ATP10A: variants seen among roughly 807,000 people sequenced by gnomAD.
ATP10A encodes the protein phospholipid-transporting ATPase VA.
Under a neutral mutation model 147.8 loss-of-function variants are expected in ATP10A, and 111 were observed. The observed-to-expected ratio is 0.75, with a 90% CI of 0.64 to 0.88. ATP10A has a LOEUF of 0.88. ATP10A is among the 40% of genes least tolerant of loss of function. The probability of loss-of-function intolerance (pLI) is 0.00; values close to 1 mark genes in which losing one functional copy is unlikely to be tolerated. For missense variants in ATP10A, 1,927 were observed against 1,959.0 expected (o/e 0.98, Z 0.31); for synonymous variants, 875 against 841.6 (o/e 1.04, Z -0.69).
chr15:25,711,907 C>T (rs1003552196), intron 10 of ATP10A, among the ~76,000 whole-genome samples: 23 of 152,152 alleles, frequency 1.5e-4, no homozygotes, highest in African/African-American at 5.3e-4. Context: ...TGTCTTGTAA[C>T]CGGCATCAGG....
chr15:25,699,138 A>G (rs781503532), intron 13 of ATP10A, among the ~76,000 whole-genome samples: 19 of 152,230 alleles, frequency 1.2e-4, no homozygotes, highest in Non-Finnish European at 2.6e-4. Flanking sequence ...AGCCAAAACA[A>G]TTTTGAAATA....
chr15:25,680,585 G>A (rs1020353962), intron 19 of ATP10A, among the ~76,000 whole-genome samples: 2 of 152,132 alleles, frequency 1.3e-5, no homozygotes, highest in Non-Finnish European at 2.9e-5. Context: ...GGAAAGAGGC[G>A]GGAGGGAGAT....
At chr15:25,795,120 T>C (rs12910743) in intron 1 of ATP10A, among the ~76,000 whole-genome samples, 62,716 of 152,020 alleles carry the variant, frequency 0.41, 13,052 homozygotes, top group South Asian at 0.55. Flanking sequence ...TTTGGGAAAA[T>C]TGTGTAGGTT....
At chr15:25,753,821 G>C (rs1406407488) in intron 2 of ATP10A, among the ~76,000 whole-genome samples, 1 of 150,828 alleles carries the variant, frequency 6.6e-6, no homozygotes, top group Non-Finnish European at 1.5e-5. Context: ...CTGTCACCCA[G>C]GCTGGAGTGC....
At chr15:25,836,781 C>T (rs1294841040) in intron 1 of ATP10A, among the ~76,000 whole-genome samples, 3 of 152,244 alleles carry the variant, frequency 2.0e-5, no homozygotes, top group Middle Eastern at 3.4e-3. Context: ...TCGTTACTGT[C>T]GGTTCACAGT....
At chr15:25,681,971 G>A (rs375740255) in intron 17 of ATP10A, among the ~76,000 whole-genome samples, 5 of 151,292 alleles carry the variant, frequency 3.3e-5, no homozygotes, top group African/African-American at 1.2e-4. Flanking sequence ...GGAGAATGGC[G>A]TGAACCCGGG....
intron 1 of ATP10A, among the ~76,000 whole-genome samples, chr15:25,842,236 T>G (rs1309393303): frequency 6.6e-6 from 1 of 152,184 alleles, no homozygotes; most frequent in Non-Finnish European, 1.5e-5. Flanking sequence ...CAGAGCCTTT[T>G]GGTTTTGCTT....
chr15:25,729,518 C>T (rs1261927504), intron 3 of ATP10A, among the ~76,000 whole-genome samples: 1 of 152,208 alleles, frequency 6.6e-6, no homozygotes, highest in African/African-American at 2.4e-5. Context: ...GTGGGTTCCT[C>T]ACACAGGCAC....
rs763408750 is a variant in ATP10A at position 25,723,873 on chromosome 15, G to A, written c.1110+18C>T. The A allele has an allele frequency of 3.3e-5, 51 of 1,557,328 alleles. No individual in the cohort carries two copies. The highest frequency in any genetic ancestry group is 3.4e-4 in the Middle Eastern group (2 of 5,870). ...CATAAAAGTAAAGCAATTATTGTACGATACTTAGTATTGTTACCTGCAGAA... is the reference window on the plus strand; with the variant it reads ...CATAAAAGTAAAGCAATTATTGTACAATACTTAGTATTGTTACCTGCAGAA... On this transcript the variant is annotated intron_variant, in intron 6 of 20. Transcript: ENST00000555815.
chr15:25,778,903 G>A (rs1889757016), intron 2 of ATP10A, among the ~76,000 whole-genome samples: 1 of 152,108 alleles, frequency 6.6e-6, no homozygotes, highest in African/African-American at 2.4e-5. Flanking sequence ...TTGAGATGGA[G>A]TCTCGCTCTG....
chr15:25,827,584 T>C lies in ATP10A; in HGVS notation c.449+35064A>G, dbSNP rs1023614622. 3.9e-5 allele frequency among the ~76,000 whole-genome samples: 6 copies of C among 152,188 alleles called. No homozygotes were observed. The East Asian group carries it at 7.7e-4, about 20-fold the overall frequency. On this transcript the variant is annotated intron_variant, in intron 1 of 20. Coordinates refer to ENST00000555815, the MANE Select transcript of ATP10A (RefSeq NM_024490.4). ...TAAGGTGGTATTAATCTGACCTACA[T>C]TGCTGGAAATTTAGATGCTAATTAA...
At chr15:25,684,969 G>T (rs1289646646) in intron 16 of ATP10A, among the ~76,000 whole-genome samples, 3 of 152,116 alleles carry the variant, frequency 2.0e-5, no homozygotes, top group African/African-American at 7.2e-5. Flanking sequence ...CGAACATTTG[G>T]TTTTTATTCA....
chr15:25,831,670 C>G (rs1374671161), intron 1 of ATP10A, among the ~76,000 whole-genome samples: 1 of 152,154 alleles, frequency 6.6e-6, no homozygotes, highest in Non-Finnish European at 1.5e-5. Context: ...GGAACCTGCA[C>G]CTATAGAGGC....
intron 2 of ATP10A, among the ~76,000 whole-genome samples, chr15:25,778,220 G>C (rs1301931081): frequency 6.6e-6 from 1 of 152,014 alleles, no homozygotes; most frequent in Non-Finnish European, 1.5e-5. Flanking sequence ...TCATTAAACT[G>C]GTAAAATATT....
rs188450571 is a variant in ATP10A at position 25,784,793 on chromosome 15, G to A, written c.450-3570C>T. 4.6e-5 allele frequency among the ~76,000 whole-genome samples: 7 copies of A among 152,146 alleles called. No homozygotes were observed. In the East Asian group the frequency reaches 9.7e-4, roughly 21 times the overall value. ...AAAAATTAGCCAGGTGTGGTGGCAC[G>A]TGCCTGTAATCCCAGCTATTCAGGA... On this transcript the variant is annotated intron_variant, in intron 1 of 20. Transcript: ENST00000555815.
chr15:25,748,604 C>T (rs1188717867), intron 2 of ATP10A, among the ~76,000 whole-genome samples: 1 of 151,864 alleles, frequency 6.6e-6, no homozygotes, highest in Non-Finnish European at 1.5e-5. Flanking sequence ...TATGATATCA[C>T]CACTTCCATT....
At chr15:25,737,151 A>C (rs1323574018) in intron 2 of ATP10A, among the ~76,000 whole-genome samples, 2 of 152,250 alleles carry the variant, frequency 1.3e-5, no homozygotes, top group Admixed American at 1.3e-4. Flanking sequence ...CTATTTTAAA[A>C]GGCTCTTCTT....
At chr15:25,708,535 G>T (rs1225254861) in intron 10 of ATP10A, 2 of 463,540 alleles carry the variant, frequency 4.3e-6, no homozygotes, top group Non-Finnish European at 7.7e-6. Context: ...TGCCCAGGCT[G>T]GTCACGAACT....
At chr15:25,699,828 A>G (rs1900565166) in intron 13 of ATP10A, among the ~76,000 whole-genome samples, 1 of 152,204 alleles carries the variant, frequency 6.6e-6, no homozygotes, top group South Asian at 2.1e-4. Flanking sequence ...CGATGGCACC[A>G]CTGCACTCCA....
Sources: gnomAD v4.1 joint callset for allele counts (sites outside exome capture counted in the v4.1 genomes callset) on GRCh38, gnomAD v4.1.1 for gene constraint, MANE v1.5 for transcripts, NCBI Gene and HGNC (gene_info 2026-07-23, HGNC 2026-07-21) for gene names.